Variants in GLIS3 observed in about 807,000 individuals in gnomAD.
GLIS3 encodes the protein GLIS family zinc finger 3.
In GLIS3, 53 loss-of-function variants were observed where a neutral mutation model predicts 78.6. The ratio of observed to expected loss-of-function variants is 0.67; its 90% confidence interval spans 0.54 to 0.85. The LOEUF (loss-of-function observed/expected upper bound fraction) is 0.85. Ranked by LOEUF, GLIS3 falls within the 40% of genes least tolerant of loss-of-function variation. The pLI, the probability that GLIS3 is intolerant of heterozygous loss-of-function variation, is 0.00. For synonymous variants in GLIS3, 684 were observed against 509.9 expected (o/e 1.34, Z -4.60); for missense variants, 1,703 against 1,231.1 (o/e 1.38, Z -5.74).
intron 4 of GLIS3, among the ~76,000 whole-genome samples, chr9:3,975,439 T>A (rs1818700642): frequency 6.6e-6 from 1 of 152,218 alleles, no homozygotes; most frequent in South Asian, 2.1e-4. Flanking sequence ...GAGCCATTAC[T>A]GCTGTATCTG....
chr9:4,131,604 G>A (rs185727023), intron 2 of GLIS3, among the ~76,000 whole-genome samples: 36 of 152,286 alleles, frequency 2.4e-4, no homozygotes, highest in Admixed American at 2.4e-3. Flanking sequence ...AGATGTGACT[G>A]CTTCACCTTC....
upstream of GLIS3, among the ~76,000 whole-genome samples, chr9:4,351,291 A>G (rs1176315588): frequency 6.6e-6 from 1 of 151,918 alleles, no homozygotes; most frequent in Non-Finnish European, 1.5e-5. Flanking sequence ...TATAGTCCCA[A>G]TAAGCTGGGA....
At chr9:4,259,953 C>G (rs1825350590) in intron 2 of GLIS3, among the ~76,000 whole-genome samples, 1 of 152,212 alleles carries the variant, frequency 6.6e-6, no homozygotes, top group Non-Finnish European at 1.5e-5. Context: ...CACCAGCAGA[C>G]TTTGTCTTTG....
Position 4,318,514 on chromosome 9 carries a change from G to T in GLIS3, n.265-7986C>A, listed in dbSNP as rs12346441. Among the ~76,000 whole-genome samples, 402 of 152,218 alleles carry T rather than the reference G, an allele frequency of 2.6e-3. 1 individual carries two copies. Among genetic ancestry groups the T allele is most frequent in the African/African-American group, 9.3e-3 (388 of 41,522 alleles). On this transcript the variant is annotated intron_variant and non_coding_transcript_variant, in intron 2 of 4. Transcript: ENST00000471664. ...GGGGCAGTGTCAAAATAACATAGGA[G>T]CCAGCTTGAAAGAGCTCCCTCTGGC...
chr9:4,464,018 A>G, the GLIS3 span, among the ~76,000 whole-genome samples: 5 of 152,208 alleles, frequency 3.3e-5, no homozygotes, highest in South Asian at 2.1e-4. Flanking sequence ...AGATGATGCA[A>G]TCTAGTGGGT....
the GLIS3 span, among the ~76,000 whole-genome samples, chr9:4,383,309 C>T: frequency 6.6e-6 from 1 of 152,222 alleles, no homozygotes; most frequent in African/African-American, 2.4e-5. Flanking sequence ...CTTTTACAAT[C>T]TCATTCATTT....
Position 4,331,766 on chromosome 9 carries a change from G to C in GLIS3, n.264+15315C>G, listed in dbSNP as rs532358215. Among the ~76,000 whole-genome samples, 8 of 152,338 alleles carry C rather than the reference G, an allele frequency of 5.3e-5. No homozygotes were observed. The East Asian group carries it at 1.5e-3, about 29-fold the overall frequency. ...CAGAATGTCTAAGGTGAGACCTGAA[G>C]GATGAGCAGGAAATAACCAGATGAA... On this transcript the variant is annotated intron_variant and non_coding_transcript_variant, in intron 2 of 4. Coordinates refer to the GLIS3 transcript ENST00000471664.
At chr9:4,415,542 G>C in the GLIS3 span, among the ~76,000 whole-genome samples, 27 of 152,126 alleles carry the variant, frequency 1.8e-4, 1 homozygote, top group Non-Finnish European at 3.5e-4. Context: ...CCATCAGCTG[G>C]TCTTGTTCTC....
At chr9:4,217,360 C>T (rs1246263471) in intron 2 of GLIS3, among the ~76,000 whole-genome samples, 2 of 152,202 alleles carry the variant, frequency 1.3e-5, no homozygotes, top group Non-Finnish European at 2.9e-5. Context: ...GTTTAGTCTT[C>T]ATCCCAAGTC....
chr9:4,384,611 A>G, the GLIS3 span, among the ~76,000 whole-genome samples: 1 of 149,914 alleles, frequency 6.7e-6, no homozygotes, highest in African/African-American at 2.5e-5. Context: ...TGACTCTCTA[A>G]TTTCTTCCCT....
chr9:3,980,033 TC>T (rs1480646983), intron 4 of GLIS3, among the ~76,000 whole-genome samples: 1 of 151,938 alleles, frequency 6.6e-6, no homozygotes, highest in Non-Finnish European at 1.5e-5. Context: ...AGAGGAGGTC[TC>T]CCCCAAAAAG....
chr9:4,384,634 G>T, the GLIS3 span, among the ~76,000 whole-genome samples: 2 of 151,396 alleles, frequency 1.3e-5, no homozygotes, highest in African/African-American at 4.9e-5. Context: ...ACAGCAAGAT[G>T]CCACCCACTG....
rs766871772 is a variant in GLIS3 at position 4,071,237 on chromosome 9, A to T, written c.1710+46531T>A. Reference sequence around the variant, plus strand: ...TGATGTATGGGAAATGTCCCAGCAGATAACTGTTATGTAACCATTGGGCCA... The same window carrying T: ...TGATGTATGGGAAATGTCCCAGCAGTTAACTGTTATGTAACCATTGGGCCA... On this transcript the variant is annotated intron_variant, in intron 4 of 10. Transcript: ENST00000381971. The T allele has an allele frequency of 1.9e-4, 29 of 152,186 alleles. 1 individual carries two copies. Among genetic ancestry groups the T allele is most frequent in the Non-Finnish European group, 3.2e-4 (22 of 68,024 alleles). The allele number at this position is 152,186 out of a possible 1,614,324, so 9.4% of individuals were successfully genotyped here.
At chr9:4,049,823 T>C (rs920883835) in intron 4 of GLIS3, among the ~76,000 whole-genome samples, 4 of 152,170 alleles carry the variant, frequency 2.6e-5, no homozygotes, top group Non-Finnish European at 4.4e-5. Context: ...AAGACATTTA[T>C]GCAGCCAACA....
chr9:4,161,015 G>A (rs947389999), intron 2 of GLIS3, among the ~76,000 whole-genome samples: 2 of 151,336 alleles, frequency 1.3e-5, no homozygotes, highest in Non-Finnish European at 2.9e-5. Flanking sequence ...AGGCTAAGGT[G>A]GAAGGATTGC....
chr9:3,859,350 AACACACACAC>A (rs34973607), intron 8 of GLIS3, among the ~76,000 whole-genome samples: 3,751 of 148,820 alleles, frequency 0.025, 142 homozygotes, highest in African/African-American at 0.08. Flanking sequence ...GTTTCTTCGA[AACACACACAC>A]ACACACACAC....
chr9:3,996,721 TAGAG>T (rs1820770524), intron 4 of GLIS3, among the ~76,000 whole-genome samples: 1 of 151,922 alleles, frequency 6.6e-6, no homozygotes, highest in Non-Finnish European at 1.5e-5. Flanking sequence ...AGACCCAACA[TAGAG>T]AATGAATGAA....
chr9:4,075,380 A>G (rs1354536025), intron 4 of GLIS3, among the ~76,000 whole-genome samples: 1 of 150,600 alleles, frequency 6.6e-6, no homozygotes, highest in Non-Finnish European at 1.5e-5. Context: ...CATCCTGGCT[A>G]ACAAGGTGAA....
At chr9:4,007,855 C>T (rs1821678942) in intron 4 of GLIS3, among the ~76,000 whole-genome samples, 1 of 140,948 alleles carries the variant, frequency 7.1e-6, no homozygotes, top group Non-Finnish European at 1.5e-5. Context: ...TATTGCTTAC[C>T]TCCAAATACC....
Sources: gnomAD v4.1 joint callset for allele counts (sites outside exome capture counted in the v4.1 genomes callset) on GRCh38, gnomAD v4.1.1 for gene constraint, MANE v1.5 for transcripts, NCBI Gene and HGNC (gene_info 2026-07-23, HGNC 2026-07-21) for gene names.